Variants in IMMP2L observed in about 807,000 individuals in gnomAD.
The protein encoded by IMMP2L is mitochondrial inner membrane protease subunit 2.
IMMP2L carries 18 observed loss-of-function variants against 19.3 expected under a neutral mutation model. That is an observed-to-expected ratio of 0.93 (90% CI 0.64 to 1.38). The LOEUF (loss-of-function observed/expected upper bound fraction) is 1.38, where lower values mean the gene tolerates loss of function less well. Ranked by LOEUF, IMMP2L falls within the 40% of genes most tolerant of loss-of-function variation. The pLI is 0.00. For missense variants in IMMP2L, 233 were observed against 218.2 expected (o/e 1.07, Z -0.43); for synonymous variants, 76 against 73.0 (o/e 1.04, Z -0.21).
At chr7:110,814,013 T>C (rs1033025429) in intron 5 of IMMP2L, among the ~76,000 whole-genome samples, 4 of 152,142 alleles carry the variant, frequency 2.6e-5, no homozygotes, top group East Asian at 1.9e-4. Context: ...TTAACGCTTA[T>C]GAGTATATTA....
intron 3 of IMMP2L, among the ~76,000 whole-genome samples, chr7:111,276,641 G>GAA (rs1212928126): frequency 7.6e-6 from 1 of 132,078 alleles, no homozygotes; most frequent in Non-Finnish European, 1.7e-5. Flanking sequence ...ATGTGGAACC[G>GAA]AAAAAAAAAA....
chr7:111,054,329 T>G (rs989371263), intron 3 of IMMP2L, among the ~76,000 whole-genome samples: 1 of 152,182 alleles, frequency 6.6e-6, no homozygotes, highest in African/African-American at 2.4e-5. Flanking sequence ...TTTCCTATCT[T>G]GAAGACATTT....
intron 3 of IMMP2L, among the ~76,000 whole-genome samples, chr7:111,080,611 T>C (rs1795811929): frequency 6.6e-6 from 1 of 152,158 alleles, no homozygotes; most frequent in Admixed American, 6.5e-5. Flanking sequence ...TTAGACTTTT[T>C]AGCTAATTGT....
chr7:110,884,318 C>T (rs909558905), intron 5 of IMMP2L, among the ~76,000 whole-genome samples: 1 of 151,876 alleles, frequency 6.6e-6, no homozygotes, highest in Non-Finnish European at 1.5e-5. Context: ...GAGAGAAATG[C>T]TTAGAAAATA....
intron 5 of IMMP2L, among the ~76,000 whole-genome samples, chr7:110,755,700 TGAG>T (rs1189010820): frequency 6.6e-6 from 1 of 152,074 alleles, no homozygotes; most frequent in Admixed American, 6.6e-5. Context: ...GTAGCGGAAC[TGAG>T]GAGAAGAAGA....
intron 5 of IMMP2L, among the ~76,000 whole-genome samples, chr7:110,741,512 G>A (rs1796988213): frequency 6.6e-6 from 1 of 152,126 alleles, no homozygotes; most frequent in Admixed American, 6.5e-5. Context: ...TTCCACGTGA[G>A]GACACACAGC....
chr7:110,836,370 G>A (rs578214595), intron 5 of IMMP2L, among the ~76,000 whole-genome samples: 1 of 152,270 alleles, frequency 6.6e-6, no homozygotes, highest in Admixed American at 6.5e-5. Context: ...CATGTGTTGA[G>A]GAAGATACCC....
chr7:111,339,327 ATTCTCTCTGAAAAGAGAGAGTAT>A (rs1347413177), intron 3 of IMMP2L, among the ~76,000 whole-genome samples: 1 of 151,956 alleles, frequency 6.6e-6, no homozygotes, highest in East Asian at 1.9e-4. Flanking sequence ...GAAGATAGTT[ATTCTCTCTGAAAAGAGAGAGTAT>A]TTCTCTCTGA....
intron 3 of IMMP2L, among the ~76,000 whole-genome samples, chr7:111,211,264 G>A (rs763509305): frequency 6.6e-6 from 1 of 152,150 alleles, no homozygotes; most frequent in African/African-American, 2.4e-5. Flanking sequence ...AGGAGTTAAC[G>A]TGGAGGGCAT....
intron 3 of IMMP2L, among the ~76,000 whole-genome samples, chr7:111,372,053 A>T (rs949194410): frequency 6.6e-6 from 1 of 152,018 alleles, no homozygotes; most frequent in African/African-American, 2.4e-5. Context: ...CAATTTTGTC[A>T]AGGAGAAACA....
chr7:110,822,910 C>A (rs1290799808), intron 5 of IMMP2L, among the ~76,000 whole-genome samples: 1 of 152,074 alleles, frequency 6.6e-6, no homozygotes, highest in Non-Finnish European at 1.5e-5. Flanking sequence ...ATGTCTTATT[C>A]AAGGCTGGGG....
intron 3 of IMMP2L, among the ~76,000 whole-genome samples, chr7:110,982,155 A>G (rs1821370966): frequency 6.6e-6 from 1 of 152,142 alleles, no homozygotes. Flanking sequence ...AGAAAACCTG[A>G]GGTAACACAG....
At chr7:111,078,535 T>C (rs1325325460) in intron 3 of IMMP2L, among the ~76,000 whole-genome samples, 1 of 152,122 alleles carries the variant, frequency 6.6e-6, no homozygotes, top group Non-Finnish European at 1.5e-5. Context: ...ATAATAAAGA[T>C]TATTTTTATG....
intron 3 of IMMP2L, among the ~76,000 whole-genome samples, chr7:111,331,828 A>T (rs985199761): frequency 6.6e-6 from 1 of 151,966 alleles, no homozygotes; most frequent in African/African-American, 2.4e-5. Flanking sequence ...AGCTATAAAA[A>T]AAGTTTTTAA....
At chr7:110,769,976 C>T (rs1208491773) in intron 5 of IMMP2L, among the ~76,000 whole-genome samples, 1 of 152,020 alleles carries the variant, frequency 6.6e-6, no homozygotes, top group South Asian at 2.1e-4. Context: ...CATAATGGGT[C>T]GCCCTTGTTC....
chr7:111,181,315 C>T lies in IMMP2L; in HGVS notation c.240-217750G>A, dbSNP rs115349936. ...TTCCCCAAACACATAACATGAAACA[C>T]GCTTCTAATGAATAATCCTATATCT... is the stretch of plus-strand genomic sequence containing the variant. On this transcript the variant is annotated intron_variant, in intron 3 of 5. Coordinates refer to ENST00000405709, the MANE Select transcript of IMMP2L (RefSeq NM_032549.4). Among the ~76,000 whole-genome samples, 991 of 152,080 alleles carry T rather than the reference C, an allele frequency of 6.5e-3. 17 individuals carry two copies. Among genetic ancestry groups the T allele is most frequent in the African/African-American group, 0.022 (900 of 41,510 alleles).
chr7:111,171,151 C>T (rs1243951786), intron 3 of IMMP2L, among the ~76,000 whole-genome samples: 1 of 113,766 alleles, frequency 8.8e-6, no homozygotes, highest in Non-Finnish European at 2.0e-5. Context: ...TCTTCATGAG[C>T]ATTCTTAGAG....
intron 3 of IMMP2L, among the ~76,000 whole-genome samples, chr7:111,117,389 G>A (rs886154732): frequency 8.6e-5 from 13 of 152,008 alleles, no homozygotes; most frequent in Admixed American, 5.2e-4. Context: ...CCTGTCCCCA[G>A]TTACAAAATC....
intron 5 of IMMP2L, among the ~76,000 whole-genome samples, chr7:110,812,102 A>G (rs978574789): frequency 1.3e-5 from 2 of 152,088 alleles, no homozygotes; most frequent in Non-Finnish European, 2.9e-5. Context: ...CCACATATGT[A>G]TATATACATA....
Sources: allele counts gnomAD v4.1 joint callset (sites outside exome capture counted in the v4.1 genomes callset), GRCh38; gene constraint gnomAD v4.1.1; transcripts MANE v1.5; gene names NCBI Gene and HGNC (gene_info 2026-07-23, HGNC 2026-07-21).